CCDC171: variants seen among roughly 807,000 people sequenced by gnomAD.
CCDC171 encodes the protein coiled-coil domain containing 171.
A neutral mutation model predicts 168.2 loss-of-function variants in CCDC171; 177 were observed. That is an observed-to-expected ratio of 1.05 (90% CI 0.93 to 1.19). The LOEUF (loss-of-function observed/expected upper bound fraction) is 1.19. Ranked by LOEUF, CCDC171 falls within the 50% of genes most tolerant of loss-of-function variation. The probability of loss-of-function intolerance (pLI) is 0.00; values close to 1 mark genes in which losing one functional copy is unlikely to be tolerated. For synonymous variants in CCDC171, 687 were observed against 540.8 expected (o/e 1.27, Z -3.75); for missense variants, 1,991 against 1,539.0 (o/e 1.29, Z -4.91).
chr9:15,623,464 T>TC (rs1554714740), intron 7 of CCDC171, 51 bp downstream of exon 7: 19 of 767,368 alleles, frequency 2.5e-5, no homozygotes, highest in Non-Finnish European at 3.3e-5. Flanking sequence ...CTTTCACATA[T>TC]GCGCGCGCGC....
intron 7 of CCDC171, among the ~76,000 whole-genome samples, chr9:15,655,873 C>G (rs2132914488): frequency 6.6e-6 from 1 of 152,286 alleles, no homozygotes; most frequent in Non-Finnish European, 1.5e-5. Flanking sequence ...CACTACATGC[C>G]TATTTGATTG....
At chr9:15,930,214 T>C (rs1826347645) in intron 25 of CCDC171, among the ~76,000 whole-genome samples, 1 of 151,734 alleles carries the variant, frequency 6.6e-6, no homozygotes, top group Admixed American at 6.6e-5. Context: ...ATACTTTGCA[T>C]AAACCATGAT....
In CCDC171 at chr9:15,623,336, T is replaced by C; in HGVS notation, c.745T>C (p.Ser249Pro). 2 of 1,611,884 alleles carry C rather than the reference T, an allele frequency of 1.2e-6. No homozygotes were observed. Among genetic ancestry groups the C allele is most frequent in the Non-Finnish European group, 8.5e-7 (1 of 1,178,578 alleles). Residue 249 changes from serine to proline, a missense_variant, in exon 7 of 26, where the codon TCT (serine) becomes CCT (proline). By Grantham distance (74) the Ser-to-Pro change is moderately conservative (BLOSUM62 -1). Coordinates refer to ENST00000380701, the MANE Select transcript of CCDC171 (RefSeq NM_173550.4). Reference protein sequence around the residue: ...EKLETEHMDCSDLLRRQTSEL... With the variant: ...EKLETEHMDCPDLLRRQTSEL... Reference sequence around the variant, plus strand: ...ATTAGAAACAGAACATATGGACTGCTCTGACCTTTTACGGCGACAAACAAG... The same window carrying C: ...ATTAGAAACAGAACATATGGACTGCCCTGACCTTTTACGGCGACAAACAAG...
chr9:15,890,814 A>T (rs1442258274), intron 24 of CCDC171, among the ~76,000 whole-genome samples: 1 of 152,168 alleles, frequency 6.6e-6, no homozygotes, highest in Non-Finnish European at 1.5e-5. Context: ...AGTTTAACAT[A>T]CTTCAATGAA....
the CCDC171 span, among the ~76,000 whole-genome samples, chr9:16,106,027 C>T: frequency 2.0e-5 from 3 of 152,190 alleles, no homozygotes; most frequent in South Asian, 4.1e-4. Flanking sequence ...CTTGGTCCAA[C>T]GTGGCACTAA....
chr9:15,602,363 G>T (rs1360961602), intron 6 of CCDC171, among the ~76,000 whole-genome samples: 1 of 146,098 alleles, frequency 6.8e-6, no homozygotes, highest in African/African-American at 2.4e-5. Context: ...CTCTCTAAGA[G>T]AATTCAGTTT....
chr9:15,791,102 A>G (rs2058236485), intron 21 of CCDC171, among the ~76,000 whole-genome samples: 2 of 152,140 alleles, frequency 1.3e-5, no homozygotes, highest in South Asian at 2.1e-4. Context: ...TTCCATATGA[A>G]CTTTGAAGTA....
chr9:15,577,213 A>G (rs2131200153), intron 3 of CCDC171, among the ~76,000 whole-genome samples: 1 of 152,294 alleles, frequency 6.6e-6, no homozygotes, highest in East Asian at 1.9e-4. Flanking sequence ...CTAAATAAGC[A>G]GTTATTTTAA....
intron 3 of CCDC171, among the ~76,000 whole-genome samples, chr9:16,001,984 G>C (rs1832560497): frequency 1.3e-5 from 2 of 151,102 alleles, no homozygotes. Context: ...CTACAGGCAG[G>C]AGCCACCATT....
chr9:16,081,021 CCTGGGA>C, the CCDC171 span, among the ~76,000 whole-genome samples: 2 of 152,126 alleles, frequency 1.3e-5, no homozygotes, highest in Non-Finnish European at 2.9e-5. Context: ...AATCCATTTT[CCTGGGA>C]CTAGGTGGAA....
At position 15,661,132 on chromosome 9, in the gene CCDC171, T is replaced by A. The variant is rs755078144; in HGVS notation, c.915+3913T>A. ...CATCCCTACTAAAAATACAAAAAAT[T>A]AGCCGGGCGTCGTGGCGGGCGCCTG... On this transcript the variant is annotated intron_variant, in intron 8 of 25. Transcript: ENST00000380701. 7.9e-5 allele frequency among the ~76,000 whole-genome samples: 12 copies of A among 152,204 alleles called. No homozygotes were observed. In the East Asian group the frequency reaches 2.3e-3, roughly 29 times the overall value.
chr9:15,993,582 A>G (rs1047419908), intron 3 of CCDC171, among the ~76,000 whole-genome samples: 2 of 152,236 alleles, frequency 1.3e-5, no homozygotes, highest in African/African-American at 2.4e-5. Flanking sequence ...ACAAAAGCCA[A>G]AATTGACAAA....
intron 21 of CCDC171, among the ~76,000 whole-genome samples, chr9:15,833,908 C>G (rs2060336396): frequency 6.6e-6 from 1 of 152,094 alleles, no homozygotes; most frequent in African/African-American, 2.4e-5. Flanking sequence ...GGAGCAAGGA[C>G]CTGAACCCAG....
intron 11 of CCDC171, among the ~76,000 whole-genome samples, chr9:15,700,280 C>T (rs149743955): frequency 0.019 from 2,878 of 152,362 alleles, 97 homozygotes; most frequent in African/African-American, 0.064. Flanking sequence ...AGCCGCTGGC[C>T]CGGGTGCTAA....
At chr9:15,845,425 T>A (rs1203509374) in intron 21 of CCDC171, among the ~76,000 whole-genome samples, 1 of 152,078 alleles carries the variant, frequency 6.6e-6, no homozygotes, top group Non-Finnish European at 1.5e-5. Flanking sequence ...ATGACTGAAT[T>A]TTAAAACTTT....
At position 15,553,160 on chromosome 9, in the gene CCDC171, T is replaced by G. The variant is rs1056278215; in HGVS notation, c.-254T>G. On this transcript the variant is annotated 5_prime_UTR_variant, in exon 1 of 26. Transcript: ENST00000380701. ...TGTACCCCTTTGCTGTTTGTCCCCC[T>G]CCTCCCGGGTCCTGGAGTCCGTCGT... The G allele has an allele frequency of 6.6e-6, 1 of 152,498 alleles. No individual in the cohort carries two copies. Among genetic ancestry groups the G allele is most frequent in the Non-Finnish European group, 1.5e-5 (1 of 68,340 alleles). The allele number at this position is 152,498 out of a possible 1,614,324, so 9.4% of individuals were successfully genotyped here.
At chr9:15,624,762 G>A (rs1400468885) in intron 7 of CCDC171, among the ~76,000 whole-genome samples, 3 of 152,098 alleles carry the variant, frequency 2.0e-5, no homozygotes, top group Non-Finnish European at 4.4e-5. Flanking sequence ...GAATAGTGCT[G>A]CAGTAAACAT....
chr9:15,864,454 C>T (rs1029124014), intron 23 of CCDC171, among the ~76,000 whole-genome samples: 16 of 152,084 alleles, frequency 1.1e-4, no homozygotes, highest in African/African-American at 3.4e-4. Flanking sequence ...TGCTATCCCT[C>T]CCCCCGCTCC....
intron 25 of CCDC171, among the ~76,000 whole-genome samples, chr9:15,949,929 A>G (rs542867400): frequency 4.9e-4 from 74 of 152,196 alleles, no homozygotes; most frequent in African/African-American, 1.6e-3. Flanking sequence ...TCAGTATGAT[A>G]TTGGCTGTGG....
Sources: allele counts gnomAD v4.1 joint callset (sites outside exome capture counted in the v4.1 genomes callset), GRCh38; gene constraint gnomAD v4.1.1; transcripts MANE v1.5; gene names NCBI Gene and HGNC (gene_info 2026-07-23, HGNC 2026-07-21).